RFTN1: variants seen among roughly 807,000 people sequenced by gnomAD.
The protein encoded by RFTN1 is raftlin, lipid raft linker 1, also known as raftlin.
In RFTN1, 26 loss-of-function variants were observed where a neutral mutation model predicts 46.5. That is an observed-to-expected ratio of 0.56 (90% CI 0.41 to 0.78). The LOEUF (loss-of-function observed/expected upper bound fraction) is 0.78, where lower values mean the gene tolerates loss of function less well. RFTN1 is among the 30% of genes least tolerant of loss of function. The pLI, the probability that RFTN1 is intolerant of heterozygous loss-of-function variation, is 0.00. For synonymous variants in RFTN1, 261 were observed against 284.2 expected (o/e 0.92, Z 0.82); for missense variants, 693 against 718.7 (o/e 0.96, Z 0.41).
rs2070890840 is a variant in RFTN1, at chr3:16,336,765, C to T, written c.1147-9889G>A. ...TTCAGTTCTGAGACTCTTTACCCAC[C>T]CAGTGCTGGTGAATTCACATCTTTG... is the stretch of plus-strand genomic sequence containing the variant. On this transcript the variant is annotated intron_variant, in intron 7 of 9. Transcript: ENST00000334133. This position sits in a 1 kb window ranked among gnomAD's most constrained non-coding sequence, Gnocchi z 6.0. 1.3e-5 allele frequency among the ~76,000 whole-genome samples: 2 copies of T among 152,014 alleles called. No homozygotes were observed. Among genetic ancestry groups the T allele is most frequent in the Admixed American group, 1.3e-4 (2 of 15,262 alleles).
In RFTN1 at chr3:16,458,889, G is replaced by C. The variant is rs1363143088; in HGVS notation, c.146-24852C>G. Among the ~76,000 whole-genome samples, 1 of 152,156 alleles carries C rather than the reference G, an allele frequency of 6.6e-6. No homozygotes were observed. Among genetic ancestry groups the C allele is most frequent in the East Asian group, 1.9e-4 (1 of 5,190 alleles). On this transcript the variant is annotated intron_variant, in intron 2 of 9. Transcript: ENST00000334133. The surrounding 1 kb of genome is among the most constrained non-coding windows in gnomAD (Gnocchi z 5.1). The stretch of plus-strand genomic sequence containing the variant: ...GAGTCATCTGAAAACATGGTGCTTA[G>C]CTTCACGAATTCCCTAAAAGTTACA...
chr3:16,450,794 A>G lies in RFTN1; in HGVS notation c.146-16757T>C, dbSNP rs925174599. ...GTCTCTTTCTTTCTTTTTTTTTTCC[A>G]TCATAAGAAAACAAAGCCAAAGAGA... On this transcript the variant is annotated intron_variant, in intron 2 of 9. Transcript: ENST00000334133. This position sits in a 1 kb window ranked among gnomAD's most constrained non-coding sequence, Gnocchi z 4.6. Among the ~76,000 whole-genome samples, 4 of 149,456 alleles carry G rather than the reference A, an allele frequency of 2.7e-5. No homozygotes were observed. The highest frequency in any genetic ancestry group is 7.4e-5 in the African/African-American group (3 of 40,496).
chr3:16,405,550 GGA>G (rs2074836121), intron 4 of RFTN1, among the ~76,000 whole-genome samples: 2 of 152,266 alleles, frequency 1.3e-5, no homozygotes, highest in East Asian at 3.9e-4. Context: ...AAGTCATGAT[GGA>G]GAGAGGCATA....
chr3:16,444,966 G>A (rs113327109), intron 2 of RFTN1, among the ~76,000 whole-genome samples: 5 of 152,060 alleles, frequency 3.3e-5, no homozygotes, highest in African/African-American at 4.8e-5. Flanking sequence ...GGTCTTTATC[G>A]AGAAGTTTGG....
chr3:16,388,502 A>T (rs2074262747), intron 4 of RFTN1, among the ~76,000 whole-genome samples: 1 of 152,208 alleles, frequency 6.6e-6, no homozygotes, highest in Non-Finnish European at 1.5e-5. Context: ...GATTCAGAAA[A>T]CTTGCACATC....
chr3:16,505,986 G>C (rs1487778190), intron 1 of RFTN1, among the ~76,000 whole-genome samples: 4 of 152,174 alleles, frequency 2.6e-5, no homozygotes, highest in African/African-American at 9.7e-5. Context: ...GAGCACGCCT[G>C]CCCTCATGGA....
At position 16,380,110 on chromosome 3, in the gene RFTN1, G is replaced by A. The variant is rs78256975; in HGVS notation, c.442-2008C>T. The stretch of plus-strand genomic sequence containing the variant: ...ATAGGCCAGTCTCAACTAGAGTCAC[G>A]GAAATAGCATGAAGTTTAAAGGCTT... On this transcript the variant is annotated intron_variant, in intron 4 of 9. Transcript: ENST00000334133. This position sits in a 1 kb window ranked among gnomAD's most constrained non-coding sequence, Gnocchi z 4.8. Among the ~76,000 whole-genome samples, 689 of 152,284 alleles carry A rather than the reference G, an allele frequency of 4.5e-3. 7 individuals are homozygous for A. Among genetic ancestry groups the A allele is most frequent in the African/African-American group, 0.016 (649 of 41,534 alleles).
At position 16,429,595 on chromosome 3, in the gene RFTN1, T is replaced by C. The variant is rs997668881; in HGVS notation, c.332+4256A>G. 6.6e-6 allele frequency among the ~76,000 whole-genome samples: 1 copy of C among 152,240 alleles called. No individual in the cohort carries two copies. The highest frequency in any genetic ancestry group is 2.4e-5 in the African/African-American group (1 of 41,464). ...TTGGAAGGCAGGCTCCACATTCAAC[T>C]GAGCCTGGCATTTGCACTCTCTAAC... is the stretch of plus-strand genomic sequence containing the variant. On this transcript the variant is annotated intron_variant, in intron 3 of 9. Coordinates refer to ENST00000334133, the MANE Select transcript of RFTN1 (RefSeq NM_015150.2). This position sits in a 1 kb window ranked among gnomAD's most constrained non-coding sequence, Gnocchi z 6.4.
At chr3:16,363,848 TTCTTGGCACCACCTTGATTC>T (rs2072983342) in intron 6 of RFTN1, among the ~76,000 whole-genome samples, 1 of 44,586 alleles carries the variant, frequency 2.2e-5, no homozygotes, top group Non-Finnish European at 4.5e-5. Context: ...GATTCCAGGA[TTCTTGGCACCACCTTGATTC>T]CAGGATTAGC....
rs575084293 is a variant in RFTN1 at position 16,440,473 on chromosome 3, T to A, written c.146-6436A>T. Reference sequence around the variant, plus strand: ...ATACCAGGGCTTTGTCCTGCTGCAGTGCAAAGGACAATTCTCTCCTGGCTT... The same window carrying A: ...ATACCAGGGCTTTGTCCTGCTGCAGAGCAAAGGACAATTCTCTCCTGGCTT... On this transcript the variant is annotated intron_variant, in intron 2 of 9. Coordinates refer to ENST00000334133, the MANE Select transcript of RFTN1 (RefSeq NM_015150.2). The surrounding 1 kb of genome is among the most constrained non-coding windows in gnomAD (Gnocchi z 4.6). 8.5e-5 allele frequency among the ~76,000 whole-genome samples: 13 copies of A among 152,264 alleles called. No individual in the cohort carries two copies. The highest frequency in any genetic ancestry group is 3.1e-4 in the African/African-American group (13 of 41,536).
At chr3:16,333,801 A>G (rs1156693493) in intron 7 of RFTN1, among the ~76,000 whole-genome samples, 13 of 152,242 alleles carry the variant, frequency 8.5e-5, no homozygotes, top group Non-Finnish European at 2.9e-5. Context: ...AGATATGAAG[A>G]GAGATCACAG....
At chr3:16,330,151 T>TGA (rs1202497938) in intron 7 of RFTN1, among the ~76,000 whole-genome samples, 2 of 152,170 alleles carry the variant, frequency 1.3e-5, no homozygotes, top group East Asian at 3.8e-4. Context: ...CAACCCTGCT[T>TGA]GAGAGAGCTG....
rs189263471 is a variant in RFTN1, at chr3:16,448,628, T to G, written c.146-14591A>C. ...TACAACTTTTTACTGCCTTCATGTT[T>G]GATGGTTTGCTCCCTGTGTCCCTTA... On this transcript the variant is annotated intron_variant, in intron 2 of 9. Coordinates refer to ENST00000334133, the MANE Select transcript of RFTN1 (RefSeq NM_015150.2). The surrounding 1 kb of genome is among the most constrained non-coding windows in gnomAD (Gnocchi z 4.1). Among the ~76,000 whole-genome samples the G allele has an allele frequency of 1.7e-3, 257 of 152,350 alleles. 1 individual carries two copies. The highest frequency in any genetic ancestry group is 2.9e-3 in the Non-Finnish European group (197 of 68,026).
At chr3:16,508,821 T>C (rs2076852635) in intron 1 of RFTN1, among the ~76,000 whole-genome samples, 1 of 121,024 alleles carries the variant, frequency 8.3e-6, no homozygotes, top group Non-Finnish European at 1.7e-5. Context: ...TACCAATTCT[T>C]AAACTGAAGG....
chr3:16,341,987 G>GT lies in RFTN1; in HGVS notation c.1147-15112dup, dbSNP rs1410030647. On this transcript the variant is annotated intron_variant, in intron 7 of 9. Coordinates refer to ENST00000334133, the MANE Select transcript of RFTN1 (RefSeq NM_015150.2). The surrounding 1 kb of genome is among the most constrained non-coding windows in gnomAD (Gnocchi z 4.7). ...TTACTTTGCTTTCTTTTCTTGACCT[G>GT]TATTTTCTAAATTATCTTTAATGAC... Among the ~76,000 whole-genome samples the GT allele has an allele frequency of 6.6e-6, 1 of 152,126 alleles. No individual in the cohort carries two copies. The highest frequency in any genetic ancestry group is 2.4e-5 in the African/African-American group (1 of 41,412).
chr3:16,345,641 C>A lies in RFTN1; in HGVS notation c.1146+12291G>T, dbSNP rs1419556222. Among the ~76,000 whole-genome samples, 1 of 152,088 alleles carries A rather than the reference C, an allele frequency of 6.6e-6. No homozygotes were observed. The highest frequency in any genetic ancestry group is 2.4e-5 in the African/African-American group (1 of 41,406). On this transcript the variant is annotated intron_variant, in intron 7 of 9. Coordinates refer to ENST00000334133, the MANE Select transcript of RFTN1 (RefSeq NM_015150.2). This position sits in a 1 kb window ranked among gnomAD's most constrained non-coding sequence, Gnocchi z 5.2. Reference sequence around the variant, plus strand: ...TGCTCCTGGTTCTCAGGGCTTGGGACCTGGACTGGAGTCCACACCATCAGC... The same window carrying A: ...TGCTCCTGGTTCTCAGGGCTTGGGAACTGGACTGGAGTCCACACCATCAGC...
At position 16,409,407 on chromosome 3, in the gene RFTN1, C is replaced by T; in HGVS notation, c.409G>A (p.Asp137Asn). ...DCCSSLDHPT[D>N]QKLIPEFIKK... Reference sequence around the variant, plus strand: ...ATGAACTCTGGGATGAGTTTCTGGTCTGTCGGGTGGTCTAAGGAGGAACAG... The same window carrying T: ...ATGAACTCTGGGATGAGTTTCTGGTTTGTCGGGTGGTCTAAGGAGGAACAG... Residue 137 changes from aspartate to asparagine, a missense_variant, in exon 4 of 10, where the codon GAC (aspartate) becomes AAC (asparagine). Physicochemically the swap from Asp to Asn is conservative, Grantham distance 23. Coordinates refer to ENST00000334133, the MANE Select transcript of RFTN1 (RefSeq NM_015150.2). The T allele has an allele frequency of 6.2e-7, 1 of 1,613,502 alleles. No individual in the cohort carries two copies. The highest frequency in any genetic ancestry group is 8.5e-7 in the Non-Finnish European group (1 of 1,179,454).
At position 16,436,404 on chromosome 3, in the gene RFTN1, TG is replaced by T. The variant is rs1450337490; in HGVS notation, c.146-2368del. ...CAAAGTCTCTCTCTGTTGCCCAGGC[TG>T]GAGTGCGGTGGTGCTATCCCCGCTC... On this transcript the variant is annotated intron_variant, in intron 2 of 9. Coordinates refer to ENST00000334133, the MANE Select transcript of RFTN1 (RefSeq NM_015150.2). 2.0e-5 allele frequency among the ~76,000 whole-genome samples: 3 copies of T among 151,854 alleles called. No individual in the cohort carries two copies. In the South Asian group the frequency reaches 6.2e-4, roughly 32 times the overall value.
At chr3:16,501,634 T>C (rs1249597751) in intron 1 of RFTN1, among the ~76,000 whole-genome samples, 2 of 152,210 alleles carry the variant, frequency 1.3e-5, no homozygotes, top group Admixed American at 6.5e-5. Context: ...AACCCCATTT[T>C]TTATCTCTAC....
Sources: gnomAD v4.1 joint callset for allele counts (sites outside exome capture counted in the v4.1 genomes callset) on GRCh38, gnomAD v4.1.1 for gene constraint, Gnocchi (gnomAD v3.1) non-coding constraint, MANE v1.5 for transcripts, NCBI Gene and HGNC (gene_info 2026-07-23, HGNC 2026-07-21) for gene names.